The following CEP76 variants were observed in gnomAD, a reference collection of about 807,000 sequenced individuals.
The protein encoded by CEP76 is centrosomal protein 76, also known as centrosomal protein of 76 kDa.
CEP76 carries 55 observed loss-of-function variants against 83.3 expected under a neutral mutation model. The observed-to-expected ratio is 0.66, with a 90% confidence interval of 0.53 to 0.83. The LOEUF (loss-of-function observed/expected upper bound fraction) is 0.83, where lower values mean the gene tolerates loss of function less well. CEP76 is among the 40% of genes least tolerant of loss of function. The pLI, the probability that CEP76 is intolerant of heterozygous loss-of-function variation, is 0.00. For missense variants in CEP76, 694 were observed against 799.5 expected, an observed-to-expected ratio of 0.87 and a Z score of 1.59; for synonymous variants, 270 against 274.5, an observed-to-expected ratio of 0.98 and a Z score of 0.16.
chr18:12,697,543 G>A (rs2039999190), intron 4 of CEP76, 135 bp from the exon 5 acceptor site: 1 of 631,886 alleles, frequency 1.6e-6, no homozygotes, highest in Non-Finnish European at 2.5e-6. Context: ...GTCTCAGAAA[G>A]CATGCAAAAA....
At chr18:12,696,329 C>A (rs1291910381) in intron 5 of CEP76, among the ~76,000 whole-genome samples, 1 of 152,010 alleles carries the variant, frequency 6.6e-6, no homozygotes, top group Non-Finnish European at 1.5e-5. Flanking sequence ...ATGGTGAAAC[C>A]CCATCTCTAC....
intron 7 of CEP76, among the ~76,000 whole-genome samples, chr18:12,690,398 C>T (rs1321404044): frequency 1.3e-5 from 2 of 151,772 alleles, no homozygotes; most frequent in Admixed American, 6.6e-5. Flanking sequence ...TGAATATATA[C>T]AAAATATTTG....
chr18:12,662,187 A>G (rs71353221), intron 12 of CEP76: 34,875 of 428,846 alleles, frequency 0.081, 1,803 homozygotes, highest in Non-Finnish European at 0.11. Flanking sequence ...AGTGCACCAG[A>G]AAGGAAAAAA....
intron 12 of CEP76, among the ~76,000 whole-genome samples, chr18:12,667,196 C>T (rs893227201): frequency 4.6e-5 from 7 of 152,130 alleles, no homozygotes; most frequent in African/African-American, 1.4e-4. Flanking sequence ...CATGGTGGCT[C>T]ACACCAGTAA....
intron 9 of CEP76, among the ~76,000 whole-genome samples, chr18:12,680,051 G>C (rs1052579911): frequency 7.9e-6 from 1 of 127,362 alleles, no homozygotes; most frequent in African/African-American, 2.8e-5. Context: ...ATGAGACACT[G>C]CAAAAAAAAA....
intron 10 of CEP76, among the ~76,000 whole-genome samples, chr18:12,677,115 T>C (rs1367723114): frequency 6.6e-6 from 1 of 152,176 alleles, no homozygotes; most frequent in African/African-American, 2.4e-5. Context: ...TTTTATGTCT[T>C]CTTAAAAGCA....
chr18:12,681,129 C>T (rs969003967), intron 8 of CEP76, among the ~76,000 whole-genome samples: 4 of 148,254 alleles, frequency 2.7e-5, no homozygotes, highest in Non-Finnish European at 5.9e-5. Flanking sequence ...ACTTGGGAGG[C>T]GGAGGTTGCA....
chr18:12,698,164 A>T (rs1260928061), intron 4 of CEP76, among the ~76,000 whole-genome samples: 1 of 137,412 alleles, frequency 7.3e-6, no homozygotes, highest in Non-Finnish European at 1.5e-5. Flanking sequence ...TATTTTATTT[A>T]TATTTATTTG....
chr18:12,699,148 A>G lies in CEP76; in HGVS notation c.351T>C (p.Ala117=). The stretch of plus-strand genomic sequence containing the variant: ...CAGGTTCTTGCAGATGTTCCAAGAA[A>G]GCTTTTCCACCCAAAACCTGAAGGT... The part of the protein sequence containing the change: ...YLYLQVLGGK[A]FLEHLQEPEP... Residue 117 remains alanine, a synonymous_variant, in exon 4 of 12, where the codon GCT becomes GCC. Transcript: ENST00000262127. 6.2e-7 allele frequency: 1 copy of G among 1,614,152 alleles called. No individual in the cohort carries two copies. Among genetic ancestry groups the G allele is most frequent in the South Asian group, 1.1e-5 (1 of 91,082 alleles).
rs1184203847 is a variant in CEP76 at position 12,680,567 on chromosome 18, A to G, written c.1289+95T>C. ...AGCTGAGATTGTGCCAGTGCACTCC[A>G]GCCTGGGCGACAGAGCGAGACTCCA... is the stretch of plus-strand genomic sequence containing the variant. On this transcript the variant is annotated intron_variant, in intron 9 of 11. Transcript: ENST00000262127. 5.4e-6 allele frequency: 5 copies of G among 932,974 alleles called. No individual in the cohort carries two copies. The African/African-American group carries it at 8.9e-5, about 17-fold the overall frequency. 57.8% of individuals were successfully genotyped at this position (932,974 alleles called of 1,614,324 possible). A position where few individuals can be genotyped will look rare whatever the true frequency, so the allele number is the denominator to read the frequency against.
intron 5 of CEP76, among the ~76,000 whole-genome samples, chr18:12,696,629 GGTTTT>G (rs1412998835): frequency 2.0e-5 from 3 of 152,130 alleles, no homozygotes; most frequent in African/African-American, 7.2e-5. Context: ...AACATTGGTA[GGTTTT>G]GTTTTCTCAT....
chr18:12,686,379 A>C lies in CEP76; in HGVS notation c.1005T>G (p.Thr335=). The C allele has an allele frequency of 6.2e-7, 1 of 1,614,074 alleles. No homozygotes were observed. The highest frequency in any genetic ancestry group is 8.5e-7 in the Non-Finnish European group (1 of 1,179,932). The change falls in exon 8 of 12, where the codon ACT becomes ACG. Residue 335 remains threonine (T), a synonymous_variant. Transcript: ENST00000262127. The stretch of plus-strand genomic sequence containing the variant: ...TAACAAATCTTGCTGCTTGCCTTGG[A>C]GTATCAAGAAGCCGTCCAGCTCGAA... ...KPLRAGRLLD[T]PRQAARFVNV...
rs200518965 is a variant in CEP76 at position 12,702,573 on chromosome 18, G to C, written c.-25C>G. On this transcript the variant is annotated 5_prime_UTR_variant, in exon 1 of 12. Coordinates refer to ENST00000262127, the MANE Select transcript of CEP76 (RefSeq NM_024899.4). ...TGCTGGCAGCCGGCGTCTCCCCGCCGCTTCTCCCCGCCTCAGATGCCCTAA... is the reference window on the plus strand; with the variant it reads ...TGCTGGCAGCCGGCGTCTCCCCGCCCCTTCTCCCCGCCTCAGATGCCCTAA... 1,039 of 1,583,382 alleles carry C rather than the reference G, an allele frequency of 6.6e-4. 8 individuals carry two copies. In the African/African-American group the frequency reaches 9.7e-3, roughly 15 times the overall value.
chr18:12,699,202 A>T lies in CEP76; in HGVS notation c.297T>A (p.Thr99=), dbSNP rs764746721. The T allele has an allele frequency of 6.2e-6, 10 of 1,603,610 alleles. No homozygotes were observed. The highest frequency in any genetic ancestry group is 8.5e-6 in the Non-Finnish European group (10 of 1,171,218). Residue 99 remains threonine (T), a splice_region_variant and synonymous_variant, in exon 4 of 12, where the codon ACT becomes ACA. Coordinates refer to ENST00000262127, the MANE Select transcript of CEP76 (RefSeq NM_024899.4). The stretch of plus-strand genomic sequence containing the variant: ...GATACCTCCGTGTTGGATCAATATT[A>T]GCTGTAAAGTGTAGCAATATATATG... ...CFDRQSTLKK[T]NIDPTRRYLY...
chr18:12,672,227 G>A (rs147062966), downstream of CEP76, among the ~76,000 whole-genome samples: 1 of 151,228 alleles, frequency 6.6e-6, no homozygotes, highest in African/African-American at 2.4e-5. Context: ...CGATTCTCCT[G>A]CCTCAGCCTC....
At position 12,673,325 on chromosome 18, in the gene CEP76, C is replaced by A; in HGVS notation, c.*40G>T. On this transcript the variant is annotated 3_prime_UTR_variant, in exon 12 of 12. Transcript: ENST00000262127. ...TAAGTAATGTACAATGTGTAAAATT[C>A]CAATTAAACACAGGTATAAATCTTA... is the stretch of plus-strand genomic sequence containing the variant. 6.4e-7 allele frequency: 1 copy of A among 1,564,344 alleles called. No homozygotes were observed. The highest frequency in any genetic ancestry group is 1.4e-5 in the African/African-American group (1 of 70,854).
At chr18:12,690,943 C>T (rs567747746) in intron 7 of CEP76, among the ~76,000 whole-genome samples, 1 of 150,956 alleles carries the variant, frequency 6.6e-6, no homozygotes. Flanking sequence ...CCCAGAGCCC[C>T]CCCCCGTTCT....
rs772713539 is a variant in CEP76, at chr18:12,699,042, G to T, written c.457C>A (p.Pro153Thr). The T allele has an allele frequency of 6.2e-7, 1 of 1,613,980 alleles. No individual in the cohort carries two copies. Among genetic ancestry groups the T allele is most frequent in the South Asian group, 1.1e-5 (1 of 91,054 alleles). ...RNQRFRSKPV[P>T]CACEPDFHDG... ...TGAAAATCTGGTTCACAGGCACATGGAACAGGTTTAGAACGAAAACGTTGG... is the reference window on the plus strand; with the variant it reads ...TGAAAATCTGGTTCACAGGCACATGTAACAGGTTTAGAACGAAAACGTTGG... Residue 153 changes from proline to threonine, a missense_variant, in exon 4 of 12, where the codon CCA becomes ACA. Physicochemically the swap from Pro to Thr is conservative, Grantham distance 38. Coordinates refer to ENST00000262127, the MANE Select transcript of CEP76 (RefSeq NM_024899.4).
In CEP76 at chr18:12,678,097, A is replaced by C; in HGVS notation, c.1623+12T>G. The C allele has an allele frequency of 6.3e-7, 1 of 1,589,982 alleles. No individual in the cohort carries two copies. The highest frequency in any genetic ancestry group is 8.6e-7 in the Non-Finnish European group (1 of 1,159,368). On this transcript the variant is annotated intron_variant, in intron 10 of 11. Coordinates refer to ENST00000262127, the MANE Select transcript of CEP76 (RefSeq NM_024899.4). ...AGAAGTATGAAACTACAACTATTTC[A>C]GTGTGAATTACCTTCCTGTGTTCTG...
Sources: allele counts gnomAD v4.1 joint callset (sites outside exome capture counted in the v4.1 genomes callset), GRCh38; gene constraint gnomAD v4.1.1; transcripts MANE v1.5; gene names NCBI Gene and HGNC (gene_info 2026-07-23, HGNC 2026-07-21).